Variants in CCZ1 observed in about 807,000 individuals in gnomAD.
The protein encoded by CCZ1 is CCZ1 vacuolar protein trafficking and biogenesis associated.
A neutral mutation model predicts 57.8 loss-of-function variants in CCZ1; 19 were observed. That is an observed-to-expected ratio of 0.33 (90% confidence interval 0.23 to 0.48). The LOEUF (loss-of-function observed/expected upper bound fraction) is 0.48. Among genes scored for constraint, CCZ1 ranks in the 20% least tolerant of loss-of-function variants. CCZ1 has a pLI of 0.99. For synonymous variants in CCZ1, 81 were observed against 167.0 expected, an observed-to-expected ratio of 0.49 and a Z score of 3.97; for missense variants, 200 against 492.0, an observed-to-expected ratio of 0.41 and a Z score of 5.61.
intron 8 of CCZ1, among the ~76,000 whole-genome samples, chr7:5,910,887 C>T (rs1781960981): frequency 6.8e-6 from 1 of 147,208 alleles, no homozygotes; most frequent in Non-Finnish European, 1.5e-5. Flanking sequence ...AGGCACCTGC[C>T]ACCATGCCCG....
intron 1 of CCZ1, among the ~76,000 whole-genome samples, chr7:5,899,380 T>G (rs1209879402): frequency 2.2e-4 from 21 of 95,412 alleles, no homozygotes; most frequent in Non-Finnish European, 3.2e-4. Flanking sequence ...TGTGTGTGTG[T>G]GTGGTTTTTC....
In CCZ1 at chr7:5,905,267, C is replaced by T. The variant is rs780414706; in HGVS notation, c.696C>T (p.Ile232=). 130 of 1,486,718 alleles carry T rather than the reference C, an allele frequency of 8.7e-5. 3 individuals are homozygous for T. The Middle Eastern group carries it at 4.5e-3, about 51-fold the overall frequency. 92.1% of individuals were successfully genotyped at this position (1,486,718 alleles called of 1,614,324 possible). The change falls in exon 7 of 15, where the codon ATC becomes ATT. Residue 232 remains isoleucine (I), a splice_region_variant and synonymous_variant. Transcript: ENST00000325974. Reference sequence around the variant, plus strand: ...CTTTTCTCTATAACGATCAGCTCATCTGGTAGGTACACCCCGAGGCATGGT... The same window carrying T: ...CTTTTCTCTATAACGATCAGCTCATTTGGTAGGTACACCCCGAGGCATGGT... The part of the protein sequence containing the change: ...YTAFLYNDQL[I]WSGLEQDDMR...
intron 1 of CCZ1, among the ~76,000 whole-genome samples, chr7:5,899,330 GGGGGGTGTGTGT>G (rs1197348522): frequency 0.036 from 1,716 of 47,634 alleles, 18 homozygotes; most frequent in Non-Finnish European, 0.045. Context: ...AATTTCGGGA[GGGGGGTGTGTGT>G]GTGTGTGTGT....
intron 6 of CCZ1, among the ~76,000 whole-genome samples, chr7:5,902,946 G>T (rs1781719259): frequency 6.7e-6 from 1 of 148,732 alleles, no homozygotes; most frequent in African/African-American, 2.5e-5. Context: ...CAGCTGTGGT[G>T]TAAGGCAGAG....
rs551049015 is a variant in CCZ1, at chr7:5,902,771, C to T, written c.522+27C>T. 2.5e-6 allele frequency: 4 copies of T among 1,586,172 alleles called. No individual in the cohort carries two copies. The African/African-American group carries it at 5.5e-5, about 22-fold the overall frequency. On this transcript the variant is annotated intron_variant, in intron 6 of 14. Transcript: ENST00000325974. ...TAAGTATTTTGAATTTCATTTATAACTTTAGTAAGCATTCAGCAGGTTTTT... is the reference window on the plus strand; with the variant it reads ...TAAGTATTTTGAATTTCATTTATAATTTTAGTAAGCATTCAGCAGGTTTTT...
At chr7:5,902,486 T>A (rs1408478599) in intron 5 of CCZ1, 175 bp from the exon 6 acceptor site, 1 of 1,199,428 alleles carries the variant, frequency 8.3e-7, no homozygotes, top group Non-Finnish European at 1.1e-6. Flanking sequence ...CTTAACAGTA[T>A]TTTTTGTAAC....
chr7:5,899,595 C>CA (rs527239502), intron 1 of CCZ1, among the ~76,000 whole-genome samples: 48,561 of 91,176 alleles, frequency 0.53, 11,086 homozygotes, highest in Middle Eastern at 0.64. Context: ...CCCAACTCTA[C>CA]AAAAAAAAAA....
At chr7:5,911,326 C>G (rs1368827586) in intron 8 of CCZ1, among the ~76,000 whole-genome samples, 1 of 148,900 alleles carries the variant, frequency 6.7e-6, no homozygotes, top group Non-Finnish European at 1.5e-5. Flanking sequence ...CCCTCTTGTC[C>G]TCCTGCTTTC....
At chr7:5,909,037 CAG>C (rs1781901631) in intron 7 of CCZ1, among the ~76,000 whole-genome samples, 1 of 146,108 alleles carries the variant, frequency 6.8e-6, no homozygotes, top group Admixed American at 6.8e-5. Context: ...TAAAATGAAA[CAG>C]TGTGGCTTTG....
chr7:5,909,956 T>C, intron 7 of CCZ1, 79 bp from the exon 8 acceptor site: 1 of 1,315,402 alleles, frequency 7.6e-7, no homozygotes, highest in Non-Finnish European at 1.0e-6. Context: ...AAAATTTTTG[T>C]TTAATGAGCT....
At chr7:5,923,134 T>C (rs376651311) in intron 12 of CCZ1, among the ~76,000 whole-genome samples, 3,103 of 110,696 alleles carry the variant, frequency 0.028, 7 homozygotes, top group Non-Finnish European at 0.035. Context: ...CTGGCCAACA[T>C]GGTGAAACCC....
chr7:5,906,118 C>G (rs946634315), intron 7 of CCZ1, among the ~76,000 whole-genome samples: 6 of 146,672 alleles, frequency 4.1e-5, no homozygotes, highest in African/African-American at 1.0e-4. Flanking sequence ...AAATTACCTG[C>G]TATCGTGAAA....
Position 5,905,110 on chromosome 7 carries a change from A to T in CCZ1, c.539A>T (p.His180Leu). The part of the protein sequence containing the change: ...KFFHRYLQTL[H>L]LQSCDLLDIF... ...TTCCCACAGTATTTGCAAACGCTAC[A>T]TTTGCAGTCATGTGACCTACTTGAC... Residue 180 changes from histidine to leucine, a missense_variant, in exon 7 of 15, where the codon CAT (histidine) becomes CTT (leucine). By Grantham distance (99) the His-to-Leu change is moderately conservative. Coordinates refer to ENST00000325974, the MANE Select transcript of CCZ1 (RefSeq NM_015622.6). The T allele has an allele frequency of 6.3e-7, 1 of 1,598,898 alleles. No homozygotes were observed. Among genetic ancestry groups the T allele is most frequent in the South Asian group, 1.1e-5 (1 of 88,434 alleles).
At chr7:5,911,609 T>C (rs1779035167) in intron 8 of CCZ1, among the ~76,000 whole-genome samples, 1 of 149,030 alleles carries the variant, frequency 6.7e-6, no homozygotes, top group African/African-American at 2.5e-5. Context: ...ATTTAAAAAC[T>C]AGCCAGGTTT....
At chr7:5,901,747 C>T (rs772003974) in intron 5 of CCZ1, 43 bp downstream of exon 5, 2 of 1,593,744 alleles carry the variant, frequency 1.3e-6, no homozygotes, top group Non-Finnish European at 1.7e-6. Context: ...CAGCCACTTA[C>T]CCCTATCTCT....
At chr7:5,920,817 T>C (rs1482719997) in intron 12 of CCZ1, among the ~76,000 whole-genome samples, 1 of 106,042 alleles carries the variant, frequency 9.4e-6, no homozygotes, top group Non-Finnish European at 2.0e-5. Context: ...AAAGTGAAAG[T>C]GAGGCGATGG....
At chr7:5,910,698 GTATTT>G (rs756924691) in intron 8 of CCZ1, among the ~76,000 whole-genome samples, 2 of 120,076 alleles carry the variant, frequency 1.7e-5, no homozygotes, top group Admixed American at 8.9e-5. Context: ...TTTAATTTAT[GTATTT>G]TATTTTATTT....
At chr7:5,905,980 C>CTAT (rs1781806403) in intron 7 of CCZ1, among the ~76,000 whole-genome samples, 1 of 138,194 alleles carries the variant, frequency 7.2e-6, no homozygotes, top group Non-Finnish European at 1.5e-5. Context: ...TGGCCTCAAG[C>CTAT]GATCCACCCG....
intron 6 of CCZ1, among the ~76,000 whole-genome samples, chr7:5,904,482 G>T (rs1363870937): frequency 1.4e-5 from 2 of 144,192 alleles, no homozygotes; most frequent in African/African-American, 5.3e-5. Flanking sequence ...ACGGAGGCCA[G>T]AAGTTCAAGA....
Sources: gnomAD v4.1 joint callset for allele counts (sites outside exome capture counted in the v4.1 genomes callset) on GRCh38, gnomAD v4.1.1 for gene constraint, MANE v1.5 for transcripts, NCBI Gene and HGNC (gene_info 2026-07-23, HGNC 2026-07-21) for gene names.